The following PLXDC2 variants were observed in gnomAD, a reference collection of about 807,000 sequenced individuals.
PLXDC2 encodes plexin domain containing 2, also known as plexin domain-containing protein 2.
In PLXDC2, 40 loss-of-function variants were observed where a neutral mutation model predicts 68.9. That is an observed-to-expected ratio of 0.58 (90% CI 0.45 to 0.76). PLXDC2 has a LOEUF of 0.76. PLXDC2 is among the 30% of genes least tolerant of loss of function. PLXDC2 has a pLI of 0.00. For missense variants in PLXDC2, 644 were observed against 661.9 expected (o/e 0.97, Z 0.30); for synonymous variants, 243 against 234.2 (o/e 1.04, Z -0.34).
chr10:19,917,950 T>C lies in PLXDC2; in HGVS notation c.113-83825T>C, dbSNP rs546706835. 5.9e-5 allele frequency among the ~76,000 whole-genome samples: 9 copies of C among 152,292 alleles called. No individual in the cohort carries two copies. The South Asian group carries it at 1.9e-3, about 32-fold the overall frequency. ...CACAGCACACACTCTCCTGGTGAGTTATGCCAAAAGAACCCACTGTATTTC... is the reference window on the plus strand; with the variant it reads ...CACAGCACACACTCTCCTGGTGAGTCATGCCAAAAGAACCCACTGTATTTC... On this transcript the variant is annotated intron_variant, in intron 1 of 13. Transcript: ENST00000377252.
intron 1 of PLXDC2, among the ~76,000 whole-genome samples, chr10:19,905,959 A>G (rs1833150188): frequency 6.6e-6 from 1 of 151,982 alleles, no homozygotes; most frequent in Admixed American, 6.6e-5. Context: ...TCTGTTATAT[A>G]TCTGGGCCCT....
rs565823995 is a variant in PLXDC2, at chr10:20,087,651, A to G, written c.541+19412A>G. On this transcript the variant is annotated intron_variant, in intron 4 of 13. Transcript: ENST00000377252. ...TGACTTGCTGGCAGTTGGATATACT[A>G]TCTCTGATGAAGAGCCACTTGCTAG... Among the ~76,000 whole-genome samples, 4 of 152,330 alleles carry G rather than the reference A, an allele frequency of 2.6e-5. No homozygotes were observed. The East Asian group carries it at 5.8e-4, about 22-fold the overall frequency.
chr10:19,836,302 G>A (rs554639937), intron 1 of PLXDC2, among the ~76,000 whole-genome samples: 2 of 152,118 alleles, frequency 1.3e-5, no homozygotes, highest in East Asian at 3.9e-4. Flanking sequence ...TATAGGCATG[G>A]GGGAAGACAA....
intron 1 of PLXDC2, among the ~76,000 whole-genome samples, chr10:19,989,459 C>A (rs11594252): frequency 0.062 from 9,440 of 152,032 alleles, 359 homozygotes; most frequent in Middle Eastern, 0.13. Flanking sequence ...AATATATAGC[C>A]AATAACATGG....
intron 1 of PLXDC2, among the ~76,000 whole-genome samples, chr10:19,899,817 T>G (rs74122109): frequency 0.026 from 3,899 of 152,258 alleles, 158 homozygotes; most frequent in African/African-American, 0.089. Context: ...GTTCATGATA[T>G]GAAATGGGTT....
chr10:20,226,745 C>T (rs1017117611), intron 12 of PLXDC2, among the ~76,000 whole-genome samples: 1 of 152,158 alleles, frequency 6.6e-6, no homozygotes, highest in Non-Finnish European at 1.5e-5. Flanking sequence ...CACAAAGTAG[C>T]TCTAAATGCA....
At chr10:20,088,531 C>T (rs981698354) in intron 4 of PLXDC2, among the ~76,000 whole-genome samples, 1 of 152,082 alleles carries the variant, frequency 6.6e-6, no homozygotes. Context: ...TTGAGGAAAC[C>T]AAAAGGCATG....
intron 1 of PLXDC2, among the ~76,000 whole-genome samples, chr10:19,953,282 T>G (rs564736156): frequency 1.3e-5 from 2 of 152,282 alleles, no homozygotes; most frequent in East Asian, 3.9e-4. Context: ...GTGACCATGC[T>G]AGGTGGTTGT....
intron 1 of PLXDC2, among the ~76,000 whole-genome samples, chr10:19,912,061 A>G (rs1349294358): frequency 6.6e-6 from 1 of 152,176 alleles, no homozygotes; most frequent in Non-Finnish European, 1.5e-5. Flanking sequence ...TCTCAAACTG[A>G]TTCCACATGT....
At chr10:20,228,229 G>A (rs1228472567) in intron 12 of PLXDC2, among the ~76,000 whole-genome samples, 1 of 152,142 alleles carries the variant, frequency 6.6e-6, no homozygotes. Flanking sequence ...GACAGTTGAA[G>A]TTAAGGAGAT....
intron 3 of PLXDC2, among the ~76,000 whole-genome samples, chr10:20,048,704 G>T (rs778653526): frequency 6.6e-6 from 1 of 152,056 alleles, no homozygotes; most frequent in Non-Finnish European, 1.5e-5. Flanking sequence ...AGTATTAGCT[G>T]ATTTCTTCTT....
At chr10:20,258,089 C>T (rs1835765756) in intron 13 of PLXDC2, among the ~76,000 whole-genome samples, 1 of 149,738 alleles carries the variant, frequency 6.7e-6, no homozygotes, top group African/African-American at 2.5e-5. Context: ...GCAACCTCCG[C>T]CTCCCGAGTT....
intron 9 of PLXDC2, among the ~76,000 whole-genome samples, chr10:20,193,983 C>A (rs1425178959): frequency 6.6e-6 from 1 of 151,900 alleles, no homozygotes; most frequent in East Asian, 1.9e-4. Flanking sequence ...TTTACTAATT[C>A]TTTGTTGGCA....
At chr10:20,189,231 TA>T (rs1834726862) in intron 9 of PLXDC2, among the ~76,000 whole-genome samples, 1 of 151,182 alleles carries the variant, frequency 6.6e-6, no homozygotes, top group Non-Finnish European at 1.5e-5. Flanking sequence ...ATCCATAACA[TA>T]AAAGCATTTT....
At chr10:19,924,402 C>T (rs1031617740) in intron 1 of PLXDC2, among the ~76,000 whole-genome samples, 3 of 152,094 alleles carry the variant, frequency 2.0e-5, no homozygotes, top group Non-Finnish European at 4.4e-5. Flanking sequence ...ATATATACCC[C>T]GTGTGTTATG....
intron 2 of PLXDC2, among the ~76,000 whole-genome samples, chr10:20,029,464 A>G (rs1343536325): frequency 3.9e-5 from 6 of 152,152 alleles, no homozygotes; most frequent in Admixed American, 3.9e-4. Context: ...AGTCTCTTGA[A>G]TGTTTTCCCA....
At chr10:20,091,763 C>T (rs1214119965) in intron 4 of PLXDC2, 1 of 152,310 alleles carries the variant, frequency 6.6e-6, no homozygotes, top group Non-Finnish European at 1.5e-5. Flanking sequence ...CCTAGGGCCT[C>T]AGCTTGATGC....
intron 2 of PLXDC2, among the ~76,000 whole-genome samples, chr10:20,033,983 T>C (rs78141191): frequency 0.018 from 2,677 of 152,300 alleles, 74 homozygotes; most frequent in African/African-American, 0.061. Context: ...TGTTTTTGAC[T>C]CTTAGTACCA....
chr10:19,915,437 T>C (rs1833348280), intron 1 of PLXDC2, among the ~76,000 whole-genome samples: 1 of 152,220 alleles, frequency 6.6e-6, no homozygotes, highest in Non-Finnish European at 1.5e-5. Flanking sequence ...GTCCTAAATG[T>C]CTTCTTTACA....
Sources: gnomAD v4.1 joint callset for allele counts (sites outside exome capture counted in the v4.1 genomes callset) on GRCh38, gnomAD v4.1.1 for gene constraint, MANE v1.5 for transcripts, NCBI Gene and HGNC (gene_info 2026-07-23, HGNC 2026-07-21) for gene names.